The following JARID2 variants were observed in gnomAD, a reference collection of about 807,000 sequenced individuals.
The protein encoded by JARID2 is jumonji and AT-rich interaction domain containing 2.
A neutral mutation model predicts 125.6 loss-of-function variants in JARID2; 21 were observed. The observed-to-expected ratio is 0.17, with a 90% confidence interval of 0.12 to 0.24. The LOEUF (loss-of-function observed/expected upper bound fraction) is 0.24. JARID2 is among the 10% of genes least tolerant of loss of function. The probability of loss-of-function intolerance (pLI) is 1.00; values close to 1 mark genes in which losing one functional copy is unlikely to be tolerated. For synonymous variants in JARID2, 736 were observed against 661.6 expected (o/e 1.11, Z -1.73); for missense variants, 1,303 against 1,639.6 (o/e 0.79, Z 3.55).
At chr6:15,429,732 AAG>A (rs1260195999) in intron 3 of JARID2, among the ~76,000 whole-genome samples, 1 of 152,174 alleles carries the variant, frequency 6.6e-6, no homozygotes, top group Non-Finnish European at 1.5e-5. Flanking sequence ...AGTGTTAGGA[AAG>A]AACCGAGTAC....
At chr6:15,391,354 A>G (rs1202924356) in intron 2 of JARID2, among the ~76,000 whole-genome samples, 1 of 152,236 alleles carries the variant, frequency 6.6e-6, no homozygotes, top group East Asian at 1.9e-4. Context: ...CCCACAGACT[A>G]TTGGGTTCTG....
rs139446791 is a variant in JARID2, at chr6:15,397,793, C to T, written c.182-12431C>T. Among the ~76,000 whole-genome samples, 601 of 152,254 alleles carry T rather than the reference C, an allele frequency of 3.9e-3. 4 individuals carry two copies. The highest frequency in any genetic ancestry group is 0.024 in the Middle Eastern group (7 of 294). ...CCAAGGATATCTACCACTTCCAGTCCCAAATATTATCTAAGAGAAACTCTA... is the reference window on the plus strand; with the variant it reads ...CCAAGGATATCTACCACTTCCAGTCTCAAATATTATCTAAGAGAAACTCTA... On this transcript the variant is annotated intron_variant, in intron 2 of 17. Coordinates refer to ENST00000341776, the MANE Select transcript of JARID2 (RefSeq NM_004973.4).
chr6:15,393,482 T>G (rs1376302949), intron 2 of JARID2, among the ~76,000 whole-genome samples: 1 of 152,242 alleles, frequency 6.6e-6, no homozygotes, highest in Non-Finnish European at 1.5e-5. Flanking sequence ...CACAGCCAGT[T>G]TCCCTGTGAT....
chr6:15,476,030 A>C (rs1769326750), intron 5 of JARID2, among the ~76,000 whole-genome samples: 1 of 152,110 alleles, frequency 6.6e-6, no homozygotes, highest in South Asian at 2.1e-4. Context: ...TTCTCTTATC[A>C]GATTTGTGCT....
At chr6:15,283,631 C>T (rs1050613099) in intron 1 of JARID2, among the ~76,000 whole-genome samples, 7 of 143,848 alleles carry the variant, frequency 4.9e-5, no homozygotes, top group African/African-American at 1.0e-4. Context: ...CGTGAGCCAC[C>T]GTGCCCGGCC....
chr6:15,336,880 G>T (rs183223033), intron 1 of JARID2, among the ~76,000 whole-genome samples: 1 of 152,226 alleles, frequency 6.6e-6, no homozygotes, highest in Non-Finnish European at 1.5e-5. Flanking sequence ...GCGCAGTCAG[G>T]ATTGGAGACT....
chr6:15,327,200 T>C (rs1209090475), intron 1 of JARID2, among the ~76,000 whole-genome samples: 1 of 152,286 alleles, frequency 6.6e-6, no homozygotes, highest in South Asian at 2.1e-4. Context: ...TTTTAAAAAT[T>C]TGTTTTTTAA....
At chr6:15,416,580 CGGCAGGCTGA>C (rs1453688438) in intron 3 of JARID2, among the ~76,000 whole-genome samples, 1 of 152,034 alleles carries the variant, frequency 6.6e-6, no homozygotes, top group East Asian at 1.9e-4. Context: ...GGCAGGCACT[CGGCAGGCTGA>C]GGCAGGAGAA....
At chr6:15,441,040 G>T (rs1310337117) in intron 3 of JARID2, among the ~76,000 whole-genome samples, 5 of 152,152 alleles carry the variant, frequency 3.3e-5, no homozygotes, top group Admixed American at 2.0e-4. Flanking sequence ...GCCCCAAAAT[G>T]TGGGTTTTCT....
At chr6:15,438,665 G>T (rs1581565596) in intron 3 of JARID2, among the ~76,000 whole-genome samples, 1 of 152,090 alleles carries the variant, frequency 6.6e-6, no homozygotes, top group South Asian at 2.1e-4. Context: ...CCTGTGGTGG[G>T]GGCAGCATAG....
intron 5 of JARID2, among the ~76,000 whole-genome samples, chr6:15,478,473 C>G (rs1769457192): frequency 6.6e-6 from 1 of 151,080 alleles, no homozygotes; most frequent in Admixed American, 6.6e-5. Context: ...ACCAAGTTGC[C>G]TATAACTTGT....
chr6:15,423,469 A>T (rs1169402484), intron 3 of JARID2, among the ~76,000 whole-genome samples: 1 of 152,078 alleles, frequency 6.6e-6, no homozygotes, highest in Non-Finnish European at 1.5e-5. Flanking sequence ...TTGGATGGGG[A>T]ATGTGGTTTG....
At chr6:15,297,796 G>A (rs1490490394) in intron 1 of JARID2, among the ~76,000 whole-genome samples, 1 of 152,058 alleles carries the variant, frequency 6.6e-6, no homozygotes, top group Non-Finnish European at 1.5e-5. Context: ...GTTAGCAGGA[G>A]AGTGGAAACA....
At chr6:15,296,064 T>A (rs1332319410) in intron 1 of JARID2, among the ~76,000 whole-genome samples, 1 of 152,212 alleles carries the variant, frequency 6.6e-6, no homozygotes, top group Non-Finnish European at 1.5e-5. Context: ...ACAAAAGTAT[T>A]TCGGTAATTT....
intron 1 of JARID2, among the ~76,000 whole-genome samples, chr6:15,247,053 T>C (rs760111291): frequency 1.2e-4 from 19 of 152,246 alleles, no homozygotes; most frequent in Admixed American, 2.6e-4. Flanking sequence ...ATCTTCTCTT[T>C]GCACTGGCAC....
At chr6:15,367,643 T>C (rs1161812563) in intron 1 of JARID2, among the ~76,000 whole-genome samples, 1 of 152,206 alleles carries the variant, frequency 6.6e-6, no homozygotes, top group Non-Finnish European at 1.5e-5. Context: ...AATTCATCTC[T>C]AGAAATAACT....
rs148235578 is a variant in JARID2 at position 15,512,931 on chromosome 6, A to G, written c.3152A>G (p.His1051Arg). The G allele has an allele frequency of 3.8e-4, 619 of 1,613,834 alleles. No individual in the cohort carries two copies. The highest frequency in any genetic ancestry group is 5.1e-4 in the Non-Finnish European group (600 of 1,179,980). ...FETAKEMKRRHIAKPFSMEKL... is the reference protein window; with the variant it reads ...FETAKEMKRRRIAKPFSMEKL... ...CTCTTTCAGGAAATGAAGCGTCGCC[A>G]TATAGCTAAGCCATTCTCCATGGAG... The change falls in exon 15 of 18, where the codon CAT (histidine) becomes CGT (arginine). Residue 1051 changes from histidine to arginine, a missense_variant. By Grantham distance (29) the His-to-Arg change is conservative (BLOSUM62 0). This residue lies in a region of JARID2 where 190 missense variants were observed against 341.4 expected (regional missense o/e 0.56). Coordinates refer to ENST00000341776, the MANE Select transcript of JARID2 (RefSeq NM_004973.4).
At chr6:15,330,719 G>A (rs547353893) in intron 1 of JARID2, among the ~76,000 whole-genome samples, 20 of 152,286 alleles carry the variant, frequency 1.3e-4, no homozygotes, top group African/African-American at 4.8e-4. Context: ...ACTTCTCTGC[G>A]TGGTCATTAT....
At chr6:15,261,929 C>T (rs748205252) in intron 1 of JARID2, among the ~76,000 whole-genome samples, 6 of 151,842 alleles carry the variant, frequency 4.0e-5, no homozygotes, top group South Asian at 2.1e-4. Flanking sequence ...TACAGGCGCG[C>T]GCCACCATGC....
Sources: allele counts gnomAD v4.1 joint callset (sites outside exome capture counted in the v4.1 genomes callset), GRCh38; gene constraint gnomAD v4.1.1; regional missense constraint gnomAD v4.1.1; transcripts MANE v1.5; gene names NCBI Gene and HGNC (gene_info 2026-07-23, HGNC 2026-07-21).